Variants in PDCD6IP observed in about 807,000 individuals in gnomAD.
PDCD6IP encodes programmed cell death 6 interacting protein.
PDCD6IP carries 43 observed loss-of-function variants against 103.7 expected under a neutral mutation model. The observed-to-expected ratio is 0.41, with a 90% CI of 0.32 to 0.53. PDCD6IP has a LOEUF of 0.53. PDCD6IP is among the 20% of genes least tolerant of loss of function. The pLI, the probability that PDCD6IP is intolerant of heterozygous loss-of-function variation, is 0.16. For synonymous variants in PDCD6IP, 354 were observed against 378.7 expected, an observed-to-expected ratio of 0.93 and a Z score of 0.76; for missense variants, 871 against 1,036.7, an observed-to-expected ratio of 0.84 and a Z score of 2.20.
At position 33,865,320 on chromosome 3, in the gene PDCD6IP, AT is replaced by A. The variant is rs750698263; in HGVS notation, c.2323del (p.Ser775LeufsTer103). 1.3e-6 allele frequency: 2 copies of A among 1,595,382 alleles called. No individual in the cohort carries two copies. The highest frequency in any genetic ancestry group is 4.7e-5 in the East Asian group (2 of 42,654). Reference protein sequence around the residue: ...ANRAPSATAPSPVGAGTAAPA... With the variant: ...ANRAPSATAPXPVGAGTAAPA... ...ATCGAGCTCCTTCTGCTACTGCTCC[AT>A]CTCCAGTGGGGGCTGGGACTGCTGC... On this transcript the variant is annotated frameshift_variant, in exon 17 of 18. Transcript: ENST00000307296. LOFTEE classifies it high-confidence loss of function.
chr3:33,841,000 CG>C, intron 9 of PDCD6IP, among the ~76,000 whole-genome samples: 2 of 151,004 alleles, frequency 1.3e-5, no homozygotes, highest in South Asian at 4.2e-4. Context: ...TATTTTAATG[CG>C]GTCATAGTTT....
At chr3:33,810,720 T>G (rs1416989774) in intron 1 of PDCD6IP, among the ~76,000 whole-genome samples, 2 of 152,142 alleles carry the variant, frequency 1.3e-5, no homozygotes, top group Non-Finnish European at 2.9e-5. Context: ...GTGGGCAGAT[T>G]GCTTGAGCCT....
chr3:33,805,141 G>C (rs188849210), intron 1 of PDCD6IP, among the ~76,000 whole-genome samples: 2,631 of 152,164 alleles, frequency 0.017, 29 homozygotes, highest in Non-Finnish European at 0.025. Flanking sequence ...TGGATCACGA[G>C]GTCAGGAGTT....
chr3:33,834,671 C>A lies in PDCD6IP; in HGVS notation c.835-1373C>A, dbSNP rs183052155. ...TCTATGGAGAAATTTGATTTTTTAA[C>A]TTATTATTTTGGAGAATTATATAAG... On this transcript the variant is annotated intron_variant, in intron 7 of 17. Transcript: ENST00000307296. Among the ~76,000 whole-genome samples, 9 of 152,212 alleles carry A rather than the reference C, an allele frequency of 5.9e-5. No individual in the cohort carries two copies. The East Asian group carries it at 1.7e-3, about 29-fold the overall frequency.
intron 1 of PDCD6IP, among the ~76,000 whole-genome samples, chr3:33,800,674 C>T (rs1696457232): frequency 6.6e-6 from 1 of 152,110 alleles, no homozygotes; most frequent in South Asian, 2.1e-4. Flanking sequence ...CATAATTAAA[C>T]AATTTCAAGG....
chr3:33,847,598 C>T (rs1697622427), intron 12 of PDCD6IP, among the ~76,000 whole-genome samples: 1 of 152,122 alleles, frequency 6.6e-6, no homozygotes, highest in Non-Finnish European at 1.5e-5. Context: ...TGCAAATGTA[C>T]ATGTTTTATT....
At chr3:33,834,476 T>A (rs1357198316) in intron 7 of PDCD6IP, among the ~76,000 whole-genome samples, 2 of 152,240 alleles carry the variant, frequency 1.3e-5, no homozygotes, top group Non-Finnish European at 2.9e-5. Context: ...ATTTCCCGTT[T>A]CCTAGTTTAC....
intron 12 of PDCD6IP, among the ~76,000 whole-genome samples, chr3:33,849,505 C>T (rs1697667417): frequency 6.8e-6 from 1 of 147,568 alleles, no homozygotes; most frequent in South Asian, 2.2e-4. Flanking sequence ...GTGTCCATAG[C>T]ATCTAGAATG....
At position 33,836,162 on chromosome 3, in the gene PDCD6IP, T is replaced by C. The variant is rs761732885; in HGVS notation, c.953T>C (p.Ile318Thr). 6.2e-7 allele frequency: 1 copy of C among 1,611,608 alleles called. No homozygotes were observed. Among genetic ancestry groups the C allele is most frequent in the Non-Finnish European group, 8.5e-7 (1 of 1,177,706 alleles). The part of the protein sequence containing the change: ...LAAAKKDNDF[I>T]YHDRVPDLKD... ...GCAGCAAAGAAGGATAATGACTTCATTTATCATGATCGAGTTCCAGACCTT... is the reference window on the plus strand; with the variant it reads ...GCAGCAAAGAAGGATAATGACTTCACTTATCATGATCGAGTTCCAGACCTT... The change falls in exon 8 of 18, where the codon ATT becomes ACT. Residue 318 changes from isoleucine to threonine, a missense_variant. This residue lies in a region of PDCD6IP where 242 missense variants were observed against 250.7 expected (regional missense o/e 0.97). Transcript: ENST00000307296.
chr3:33,798,890 C>T lies in PDCD6IP; in HGVS notation c.162C>T (p.Val54=). The change falls in exon 1 of 18, where the codon GTC becomes GTT. Residue 54 remains valine (V), a synonymous_variant. Coordinates refer to ENST00000307296, the MANE Select transcript of PDCD6IP (RefSeq NM_013374.6). ...EELSKLRRAA[V]GRPLDKHEGA... Reference sequence around the variant, plus strand: ...TCAGCAAGCTGCGCCGCGCCGCAGTCGGTCGTCCGCTGGACAAGCACGAGG... The same window carrying T: ...TCAGCAAGCTGCGCCGCGCCGCAGTTGGTCGTCCGCTGGACAAGCACGAGG... 1.3e-6 allele frequency: 2 copies of T among 1,547,664 alleles called. No homozygotes were observed. The highest frequency in any genetic ancestry group is 4.9e-5 in the East Asian group (2 of 40,788).
In PDCD6IP at chr3:33,866,565, A is replaced by C. The variant is rs1280276394; in HGVS notation, c.*40A>C. On this transcript the variant is annotated 3_prime_UTR_variant, in exon 18 of 18. Coordinates refer to ENST00000307296, the MANE Select transcript of PDCD6IP (RefSeq NM_013374.6). ...AGCTCAGCTGATTCAGATCAGAGGG[A>C]AAGAAATACCAACCCTGCAATAAGT... 6.7e-7 allele frequency: 1 copy of C among 1,495,340 alleles called. No homozygotes were observed. Among genetic ancestry groups the C allele is most frequent in the South Asian group, 1.3e-5 (1 of 76,336 alleles). The allele number at this position is 1,495,340 out of a possible 1,614,324, so 92.6% of individuals were successfully genotyped here.
At chr3:33,823,152 A>G (rs897690112) in intron 4 of PDCD6IP, among the ~76,000 whole-genome samples, 1 of 152,174 alleles carries the variant, frequency 6.6e-6, no homozygotes, top group Non-Finnish European at 1.5e-5. Flanking sequence ...CCGATTTTAC[A>G]TACGAGGAGG....
chr3:33,817,839 GA>G (rs1420464575), intron 3 of PDCD6IP, among the ~76,000 whole-genome samples: 3 of 151,484 alleles, frequency 2.0e-5, no homozygotes, highest in East Asian at 1.9e-4. Context: ...AGGCATCTTT[GA>G]AAAAAAGGAA....
intron 1 of PDCD6IP, among the ~76,000 whole-genome samples, chr3:33,802,809 A>T (rs6785686): frequency 6.6e-6 from 1 of 151,876 alleles, no homozygotes; most frequent in Admixed American, 6.6e-5. Context: ...CGTTTTTTTG[A>T]GAGTGAACCT....
chr3:33,799,049 C>T (rs1031347290), intron 1 of PDCD6IP, 112 bp downstream of exon 1: 7 of 1,058,514 alleles, frequency 6.6e-6, no homozygotes, highest in Non-Finnish European at 2.7e-6. Flanking sequence ...CGCCCCGTCC[C>T]GGCCTGACCA....
chr3:33,859,918 A>G (rs1352196082), intron 15 of PDCD6IP, among the ~76,000 whole-genome samples: 1 of 152,206 alleles, frequency 6.6e-6, no homozygotes, highest in Non-Finnish European at 1.5e-5. Flanking sequence ...AAAAGTAGAA[A>G]CAAAGTGACC....
At chr3:33,837,579 C>T (rs1346088597) in intron 8 of PDCD6IP, among the ~76,000 whole-genome samples, 1 of 151,542 alleles carries the variant, frequency 6.6e-6, no homozygotes, top group Non-Finnish European at 1.5e-5. Context: ...CTGCCGTGAC[C>T]CACTCAGTCA....
At chr3:33,830,850 C>T (rs1251310087) in intron 7 of PDCD6IP, among the ~76,000 whole-genome samples, 1 of 152,156 alleles carries the variant, frequency 6.6e-6, no homozygotes, top group Non-Finnish European at 1.5e-5. Context: ...ACCAATAAAC[C>T]ATATTCGCTG....
At chr3:33,812,389 T>C (rs1376842923) in intron 2 of PDCD6IP, among the ~76,000 whole-genome samples, 2 of 152,240 alleles carry the variant, frequency 1.3e-5, no homozygotes, top group Non-Finnish European at 2.9e-5. Context: ...ATCTGTTGAC[T>C]GATTAATCTG....
Sources: gnomAD v4.1 joint callset for allele counts (sites outside exome capture counted in the v4.1 genomes callset) on GRCh38, gnomAD v4.1.1 for gene constraint, gnomAD v4.1.1 regional missense constraint, MANE v1.5 for transcripts, NCBI Gene and HGNC (gene_info 2026-07-23, HGNC 2026-07-21) for gene names.